Variants in CAMK2D observed in about 807,000 individuals in gnomAD.
The protein encoded by CAMK2D is calcium/calmodulin-dependent protein kinase type II subunit delta.
In CAMK2D, 37 loss-of-function variants were observed where a neutral mutation model predicts 84.0. The observed-to-expected ratio is 0.44, with a 90% CI of 0.34 to 0.58. The LOEUF is 0.58. Ranked by LOEUF, CAMK2D falls within the 20% of genes least tolerant of loss-of-function variation. The pLI is 0.02. For synonymous variants in CAMK2D, 202 were observed against 212.5 expected (o/e 0.95, Z 0.43); for missense variants, 448 against 652.5 (o/e 0.69, Z 3.41).
intron 2 of CAMK2D, among the ~76,000 whole-genome samples, chr4:113,729,085 T>C (rs1428137432): frequency 6.6e-6 from 1 of 152,162 alleles, no homozygotes; most frequent in Non-Finnish European, 1.5e-5. Context: ...CAGGATTGCA[T>C]TTGCAGCCAC....
At chr4:113,640,452 T>A in intron 3 of CAMK2D, among the ~76,000 whole-genome samples, 1 of 152,174 alleles carries the variant, frequency 6.6e-6, no homozygotes, top group East Asian at 1.9e-4. Context: ...CTGGGCCATA[T>A]TGTTTCCTTA....
rs192092939 is a variant in CAMK2D, at chr4:113,495,672, T to G, written c.1135+4791A>C. Among the ~76,000 whole-genome samples the G allele has an allele frequency of 2.1e-3, 313 of 152,206 alleles. 4 individuals are homozygous for G. The highest frequency in any genetic ancestry group is 2.5e-3 in the South Asian group (12 of 4,822). On this transcript the variant is annotated intron_variant, in intron 16 of 20. Coordinates refer to ENST00000511664, the MANE Select transcript of CAMK2D (RefSeq NM_001321571.2). ...AACAACTTTGTCCTTAATTGAGACT[T>G]TTGCAAACATCCTCATTACTACTAC...
chr4:113,504,768 T>C (rs2098104949), intron 14 of CAMK2D, among the ~76,000 whole-genome samples: 1 of 150,442 alleles, frequency 6.6e-6, no homozygotes, highest in Non-Finnish European at 1.5e-5. Context: ...TAGAACACAC[T>C]GCTTGACAAC....
At chr4:113,621,659 C>T (rs901712941) in intron 3 of CAMK2D, among the ~76,000 whole-genome samples, 5 of 152,146 alleles carry the variant, frequency 3.3e-5, no homozygotes, top group Non-Finnish European at 7.3e-5. Flanking sequence ...TTCATTCTTT[C>T]AGTCACTCAG....
chr4:113,470,669 G>A (rs568415528), intron 16 of CAMK2D, among the ~76,000 whole-genome samples: 148 of 150,744 alleles, frequency 9.8e-4, no homozygotes, highest in Non-Finnish European at 1.7e-3. Context: ...AGTCTTCCCT[G>A]AGCCTCATGT....
intron 16 of CAMK2D, among the ~76,000 whole-genome samples, chr4:113,492,307 CT>C (rs1248062476): frequency 6.6e-6 from 1 of 151,942 alleles, no homozygotes; most frequent in Non-Finnish European, 1.5e-5. Context: ...CTACACACTG[CT>C]TTGAATGTGT....
chr4:113,467,383 T>C (rs1223451215), intron 16 of CAMK2D, among the ~76,000 whole-genome samples: 1 of 152,196 alleles, frequency 6.6e-6, no homozygotes. Context: ...GTGATGACAT[T>C]ATTTAAAAAT....
chr4:113,501,855 A>G (rs2098051923), intron 15 of CAMK2D, among the ~76,000 whole-genome samples: 2 of 152,100 alleles, frequency 1.3e-5, no homozygotes, highest in South Asian at 4.1e-4. Flanking sequence ...CTCATATGTG[A>G]TGGTCCTGAC....
At position 113,503,156 on chromosome 4, in the gene CAMK2D, G is replaced by A. The variant is rs907932987; in HGVS notation, c.1045-179C>T. On this transcript the variant is annotated intron_variant, in intron 14 of 20. Transcript: ENST00000511664. Reference sequence around the variant, plus strand: ...ATCTCTGATGAAAGATCTCCCTGGCGAGGCCATGAGATAGGAACCTCCCTA... The same window carrying A: ...ATCTCTGATGAAAGATCTCCCTGGCAAGGCCATGAGATAGGAACCTCCCTA... The A allele has an allele frequency of 1.1e-5, 8 of 721,810 alleles. No homozygotes were observed. The East Asian group carries it at 1.7e-4, about 16-fold the overall frequency. 44.7% of individuals were successfully genotyped at this position (721,810 alleles called of 1,614,324 possible).
At chr4:113,564,036 T>A (rs1695657625) in intron 4 of CAMK2D, among the ~76,000 whole-genome samples, 1 of 152,240 alleles carries the variant, frequency 6.6e-6, no homozygotes, top group African/African-American at 2.4e-5. Context: ...TAGTTTCTTT[T>A]AAACTCTCAT....
chr4:113,657,336 C>A (rs988560064), intron 3 of CAMK2D, among the ~76,000 whole-genome samples: 9 of 152,198 alleles, frequency 5.9e-5, no homozygotes, highest in African/African-American at 2.2e-4. Context: ...CACTAGGATG[C>A]AAAGCTTTGG....
chr4:113,720,343 A>G lies in CAMK2D; in HGVS notation c.160+38977T>C, dbSNP rs183432744. 5.2e-4 allele frequency among the ~76,000 whole-genome samples: 77 copies of G among 148,190 alleles called. 1 individual carries two copies. The highest frequency in any genetic ancestry group is 7.4e-5 in the Non-Finnish European group (5 of 67,460). On this transcript the variant is annotated intron_variant, in intron 2 of 20. Coordinates refer to ENST00000511664, the MANE Select transcript of CAMK2D (RefSeq NM_001321571.2). ...CTCTAATCAAATACCAATTTTTGGT[A>G]AAGAAAATCAACAATCACATTCTCA...
chr4:113,523,639 G>A (rs912712343), intron 8 of CAMK2D, among the ~76,000 whole-genome samples: 2 of 152,046 alleles, frequency 1.3e-5, no homozygotes, highest in Non-Finnish European at 1.5e-5. Flanking sequence ...GGGTGTGGTG[G>A]TGTGCACCTG....
At chr4:113,531,333 A>T in intron 7 of CAMK2D, 34 bp from the exon 8 acceptor site, 2 of 1,061,428 alleles carry the variant, frequency 1.9e-6, no homozygotes, top group African/African-American at 1.6e-5. Context: ...GTCACAGTTG[A>T]TTTGACAAAA....
intron 16 of CAMK2D, among the ~76,000 whole-genome samples, chr4:113,480,259 G>A (rs564638322): frequency 2.0e-5 from 3 of 152,042 alleles, no homozygotes; most frequent in Middle Eastern, 6.8e-3. Flanking sequence ...TACCGCACCC[G>A]GCCAGCATTG....
At chr4:113,612,236 A>G (rs951235721) in intron 3 of CAMK2D, among the ~76,000 whole-genome samples, 19 of 152,184 alleles carry the variant, frequency 1.2e-4, no homozygotes, top group Admixed American at 3.9e-4. Context: ...GGTCTGGAAG[A>G]TAGTGTTTTA....
intron 4 of CAMK2D, among the ~76,000 whole-genome samples, chr4:113,588,189 A>C (rs1341338276): frequency 6.6e-6 from 1 of 152,158 alleles, no homozygotes. Context: ...AGAAAATGAC[A>C]GGAAAGACTT....
chr4:113,508,142 C>CT, intron 13 of CAMK2D: 1 of 858,190 alleles, frequency 1.2e-6, no homozygotes, highest in South Asian at 1.4e-5. Flanking sequence ...GTCCTACACC[C>CT]TCTCCACTTA....
intron 2 of CAMK2D, among the ~76,000 whole-genome samples, chr4:113,705,178 T>A (rs143325449): frequency 1.4e-5 from 2 of 147,232 alleles, no homozygotes; most frequent in African/African-American, 5.1e-5. Flanking sequence ...AAAAAAAAAA[T>A]TAGCCGGGCG....
Sources: gnomAD v4.1 joint callset for allele counts (sites outside exome capture counted in the v4.1 genomes callset) on GRCh38, gnomAD v4.1.1 for gene constraint, MANE v1.5 for transcripts, NCBI Gene and HGNC (gene_info 2026-07-23, HGNC 2026-07-21) for gene names.